The following DERA variants were observed in gnomAD, a reference collection of about 807,000 sequenced individuals.
The protein encoded by DERA is deoxyribose-phosphate aldolase.
DERA carries 15 observed loss-of-function variants against 41.1 expected under a neutral mutation model. That is an observed-to-expected ratio of 0.37 (90% CI 0.24 to 0.56). The LOEUF (loss-of-function observed/expected upper bound fraction) is 0.56, where lower values mean the gene tolerates loss of function less well. Ranked by LOEUF, DERA falls within the 20% of genes least tolerant of loss-of-function variation. The pLI, the probability that DERA is intolerant of heterozygous loss-of-function variation, is 0.81. For synonymous variants in DERA, 139 were observed against 137.4 expected, an observed-to-expected ratio of 1.01 and a Z score of -0.08; for missense variants, 396 against 403.4, an observed-to-expected ratio of 0.98 and a Z score of 0.16.
Position 16,004,848 on chromosome 12 carries a change from C to G in DERA, c.637+22412C>G, listed in dbSNP as rs980164874. 1.3e-5 allele frequency among the ~76,000 whole-genome samples: 2 copies of G among 152,032 alleles called. No homozygotes were observed. Among genetic ancestry groups the G allele is most frequent in the Non-Finnish European group, 2.9e-5 (2 of 68,012 alleles). ...TTAGGAACCATTGATTTATAAAGAT[C>G]GTCTGCATATGTGTGTTTCCTAGTT... is the stretch of plus-strand genomic sequence containing the variant. On this transcript the variant is annotated intron_variant, in intron 6 of 8. Transcript: ENST00000428559. This position sits in a 1 kb window ranked among gnomAD's most constrained non-coding sequence, Gnocchi z 4.2.
intron 6 of DERA, among the ~76,000 whole-genome samples, chr12:15,987,504 T>C (rs1352385181): frequency 6.6e-6 from 1 of 152,146 alleles, no homozygotes; most frequent in Non-Finnish European, 1.5e-5. Context: ...CCCAAAGTGC[T>C]GGGATTACAG....
At chr12:15,946,323 C>G (rs557563866) in intron 1 of DERA, among the ~76,000 whole-genome samples, 1 of 152,220 alleles carries the variant, frequency 6.6e-6, no homozygotes, top group South Asian at 2.1e-4. Context: ...CTCCTTGTAC[C>G]TCTGGTAGAA....
intron 4 of DERA, among the ~76,000 whole-genome samples, chr12:15,962,284 C>T (rs1948593476): frequency 6.6e-6 from 1 of 152,170 alleles, no homozygotes; most frequent in African/African-American, 2.4e-5. Flanking sequence ...ATCTGCCAGG[C>T]TGGTTGTTTT....
chr12:16,023,699 G>A (rs1011703906), intron 6 of DERA, among the ~76,000 whole-genome samples: 4 of 151,802 alleles, frequency 2.6e-5, no homozygotes, highest in East Asian at 3.9e-4. Context: ...GGATGGTCTC[G>A]ATCTCCTGAC....
chr12:15,911,399 C>T lies in DERA; in HGVS notation c.16C>T (p.Arg6Trp). Residue 6 changes from arginine (R) to tryptophan (W), a missense_variant, in exon 1 of 9, where the codon CGG becomes TGG. Coordinates refer to ENST00000428559, the MANE Select transcript of DERA (RefSeq NM_015954.4). The surrounding 1 kb of genome is among the most constrained non-coding windows in gnomAD (Gnocchi z 4.5). ...TGCCCGCGCCATGTCCGCGCACAAT[C>T]GGGGCACCGAGCTCGGTAAGGGGCC... is the stretch of plus-strand genomic sequence containing the variant. MSAHN[R>W]GTELDLSWIS... is the part of the protein sequence containing the mutation. 2 of 1,405,650 alleles carry T rather than the reference C, an allele frequency of 1.4e-6. No individual in the cohort carries two copies. Among genetic ancestry groups the T allele is most frequent in the Non-Finnish European group, 1.8e-6 (2 of 1,091,350 alleles). 87.1% of individuals were successfully genotyped at this position (1,405,650 alleles called of 1,614,324 possible).
chr12:15,946,610 C>T (rs945399938), intron 1 of DERA, among the ~76,000 whole-genome samples: 9 of 151,108 alleles, frequency 6.0e-5, no homozygotes, highest in Non-Finnish European at 1.3e-4. Context: ...TTTGATTCTT[C>T]TCTGTTTTCT....
Position 15,921,868 on chromosome 12 carries a change from G to A in DERA, c.31+10454G>A, listed in dbSNP as rs1162877196. 1.3e-5 allele frequency among the ~76,000 whole-genome samples: 2 copies of A among 152,150 alleles called. No homozygotes were observed. The highest frequency in any genetic ancestry group is 4.8e-5 in the African/African-American group (2 of 41,422). On this transcript the variant is annotated intron_variant, in intron 1 of 8. Transcript: ENST00000428559. This position sits in a 1 kb window ranked among gnomAD's most constrained non-coding sequence, Gnocchi z 5.3. ...TTGAACCCAGGAGGCAGAGGTTGCA[G>A]TGAGCCGAGATCACGCCATTGCACT...
chr12:15,985,874 G>A lies in DERA; in HGVS notation c.637+3438G>A, dbSNP rs948215110. ...GTTAGAGCAAATGTCAGATCGAATT[G>A]GTTGATAATGTTTTTCAGATCTAGT... On this transcript the variant is annotated intron_variant, in intron 6 of 8. Coordinates refer to ENST00000428559, the MANE Select transcript of DERA (RefSeq NM_015954.4). The surrounding 1 kb of genome is among the most constrained non-coding windows in gnomAD (Gnocchi z 4.2). Among the ~76,000 whole-genome samples the A allele has an allele frequency of 4.6e-4, 70 of 152,070 alleles. No individual in the cohort carries two copies. Among genetic ancestry groups the A allele is most frequent in the African/African-American group, 1.7e-3 (69 of 41,420 alleles).
chr12:16,006,702 T>C (rs1033838727), intron 6 of DERA, among the ~76,000 whole-genome samples: 2 of 152,266 alleles, frequency 1.3e-5, no homozygotes, highest in Non-Finnish European at 2.9e-5. Flanking sequence ...GAATGGAGTA[T>C]GAGTGTCCAC....
chr12:16,034,782 T>G (rs1351761283), intron 7 of DERA, among the ~76,000 whole-genome samples: 1 of 152,168 alleles, frequency 6.6e-6, no homozygotes, highest in African/African-American at 2.4e-5. Context: ...TAAACTTATG[T>G]TAGAACCTCT....
rs1948330525 is a variant in DERA, at chr12:15,931,865, T to C, written c.31+20451T>C. Among the ~76,000 whole-genome samples, 1 of 152,208 alleles carries C rather than the reference T, an allele frequency of 6.6e-6. No homozygotes were observed. The highest frequency in any genetic ancestry group is 2.1e-4 in the South Asian group (1 of 4,836). On this transcript the variant is annotated intron_variant, in intron 1 of 8. Coordinates refer to ENST00000428559, the MANE Select transcript of DERA (RefSeq NM_015954.4). The surrounding 1 kb of genome is among the most constrained non-coding windows in gnomAD (Gnocchi z 4.6). Reference sequence around the variant, plus strand: ...CTGGCTTCCTTGTTTTTTCTTCTGTTGCTTCGTCTCTTGAGGAAGATCTTG... The same window carrying C: ...CTGGCTTCCTTGTTTTTTCTTCTGTCGCTTCGTCTCTTGAGGAAGATCTTG...
chr12:15,911,375 G>A lies in DERA; in HGVS notation c.-9G>A, dbSNP rs1471600023. Reference sequence around the variant, plus strand: ...CCTACCAGCCGGCAGCTCCGGAGCTGCCCGCGCCATGTCCGCGCACAATCG... The same window carrying A: ...CCTACCAGCCGGCAGCTCCGGAGCTACCCGCGCCATGTCCGCGCACAATCG... On this transcript the variant is annotated 5_prime_UTR_variant, in exon 1 of 9. Coordinates refer to ENST00000428559, the MANE Select transcript of DERA (RefSeq NM_015954.4). The surrounding 1 kb of genome is among the most constrained non-coding windows in gnomAD (Gnocchi z 4.5). 10 of 1,408,252 alleles carry A rather than the reference G, an allele frequency of 7.1e-6. No individual in the cohort carries two copies. The East Asian group carries it at 1.8e-4, about 25-fold the overall frequency. The allele number at this position is 1,408,252 out of a possible 1,614,324, so 87.2% of individuals were successfully genotyped here. A position where few individuals can be genotyped will look rare whatever the true frequency, so the allele number is the denominator to read the frequency against.
chr12:15,947,215 T>A (rs920881610), intron 1 of DERA, among the ~76,000 whole-genome samples: 5 of 152,230 alleles, frequency 3.3e-5, no homozygotes, highest in African/African-American at 9.6e-5. Flanking sequence ...TGTAGATGTC[T>A]ATTAGGTCTG....
intron 1 of DERA, among the ~76,000 whole-genome samples, chr12:15,912,035 T>G (rs1243184128): frequency 1.3e-5 from 2 of 151,950 alleles, no homozygotes; most frequent in Non-Finnish European, 2.9e-5. Flanking sequence ...TTTTTTTTTT[T>G]TATTGATCAT....
At chr12:15,946,150 T>G (rs1948446321) in intron 1 of DERA, among the ~76,000 whole-genome samples, 1 of 152,208 alleles carries the variant, frequency 6.6e-6, no homozygotes, top group Non-Finnish European at 1.5e-5. Flanking sequence ...TTGAGGATTT[T>G]TGCATCGATG....
chr12:15,911,407 C>G lies in DERA; in HGVS notation c.24C>G (p.Thr8=). The G allele has an allele frequency of 2.1e-6, 3 of 1,407,294 alleles. No individual in the cohort carries two copies. Among genetic ancestry groups the G allele is most frequent in the Non-Finnish European group, 2.7e-6 (3 of 1,091,968 alleles). 87.2% of individuals were successfully genotyped at this position (1,407,294 alleles called of 1,614,324 possible). Residue 8 remains threonine (T), a synonymous_variant, in exon 1 of 9, where the codon ACC becomes ACG. Transcript: ENST00000428559. This position sits in a 1 kb window ranked among gnomAD's most constrained non-coding sequence, Gnocchi z 4.5. The stretch of plus-strand genomic sequence containing the variant: ...CCATGTCCGCGCACAATCGGGGCAC[C>G]GAGCTCGGTAAGGGGCCCGCGGGGC... MSAHNRG[T]ELDLSWISKI...
intron 1 of DERA, among the ~76,000 whole-genome samples, chr12:15,946,713 GTC>G (rs1283688071): frequency 6.6e-6 from 1 of 151,952 alleles, no homozygotes; most frequent in Non-Finnish European, 1.5e-5. Context: ...GGTTTTTTGT[GTC>G]TCTATCTCCT....
chr12:16,021,121 A>G lies in DERA; in HGVS notation c.638-11421A>G, dbSNP rs1949014761. Among the ~76,000 whole-genome samples the G allele has an allele frequency of 6.6e-6, 1 of 152,246 alleles. No individual in the cohort carries two copies. Among genetic ancestry groups the G allele is most frequent in the African/African-American group, 2.4e-5 (1 of 41,474 alleles). On this transcript the variant is annotated intron_variant, in intron 6 of 8. Transcript: ENST00000428559. The surrounding 1 kb of genome is among the most constrained non-coding windows in gnomAD (Gnocchi z 5.3). ...GTCTAAAAGGGAGCCAAGTGCTCAT[A>G]TATAAGACTGTGGGGAAAAGACTTG... is the stretch of plus-strand genomic sequence containing the variant.
In DERA at chr12:15,992,037, A is replaced by C. The variant is rs1432520154; in HGVS notation, c.637+9601A>C. Among the ~76,000 whole-genome samples the C allele has an allele frequency of 6.6e-6, 1 of 151,840 alleles. No homozygotes were observed. Among genetic ancestry groups the C allele is most frequent in the African/African-American group, 2.4e-5 (1 of 41,338 alleles). On this transcript the variant is annotated intron_variant, in intron 6 of 8. Coordinates refer to ENST00000428559, the MANE Select transcript of DERA (RefSeq NM_015954.4). The surrounding 1 kb of genome is among the most constrained non-coding windows in gnomAD (Gnocchi z 4.3). Reference sequence around the variant, plus strand: ...TGCAAATACCAGTAGCATTTGTAACATAGTATCAGCATCAACTGTTTTACC... The same window carrying C: ...TGCAAATACCAGTAGCATTTGTAACCTAGTATCAGCATCAACTGTTTTACC...
Sources: allele counts gnomAD v4.1 joint callset (sites outside exome capture counted in the v4.1 genomes callset), GRCh38; gene constraint gnomAD v4.1.1; non-coding constraint Gnocchi (gnomAD v3.1); transcripts MANE v1.5; gene names NCBI Gene and HGNC (gene_info 2026-07-23, HGNC 2026-07-21).